GLI2: variants seen among roughly 807,000 people sequenced by gnomAD.
GLI2 encodes the protein GLI family zinc finger 2.
A neutral mutation model predicts 78.9 loss-of-function variants in GLI2; 22 were observed. The ratio of observed to expected loss-of-function variants is 0.28; its 90% confidence interval spans 0.20 to 0.40. The LOEUF (loss-of-function observed/expected upper bound fraction) is 0.40. Ranked by LOEUF, GLI2 falls within the 10% of genes least tolerant of loss-of-function variation. GLI2 has a pLI of 1.00. For missense variants in GLI2, 2,097 were observed against 2,213.2 expected (o/e 0.95, Z 1.05); for synonymous variants, 974 against 963.7 (o/e 1.01, Z -0.20).
chr2:120,743,740 T>C (rs545587546), intron 1 of GLI2, among the ~76,000 whole-genome samples: 53 of 152,354 alleles, frequency 3.5e-4, no homozygotes, highest in African/African-American at 1.3e-3. Context: ...TTGCTTCGCC[T>C]ATCTCTGGGA....
At chr2:120,813,468 G>A (rs1006310651) in intron 2 of GLI2, among the ~76,000 whole-genome samples, 12 of 152,314 alleles carry the variant, frequency 7.9e-5, no homozygotes, top group African/African-American at 2.6e-4. Flanking sequence ...CCTCAGCTGC[G>A]TTGAGTCTTG....
chr2:120,970,206 C>T (rs186845025), intron 6 of GLI2, among the ~76,000 whole-genome samples, 187 bp from the exon 7 acceptor site: 2 of 152,084 alleles, frequency 1.3e-5, no homozygotes, highest in East Asian at 1.9e-4. Context: ...GGGAGCTGAT[C>T]GCAGAAGGTG....
chr2:120,816,181 A>C (rs115369711), intron 2 of GLI2, among the ~76,000 whole-genome samples: 10,292 of 134,902 alleles, frequency 0.076, 454 homozygotes, highest in Middle Eastern at 0.16. Context: ...ATTACTGAGG[A>C]CCCCAAAGAG....
At chr2:120,780,654 A>G (rs1395496816) in intron 1 of GLI2, among the ~76,000 whole-genome samples, 1 of 152,168 alleles carries the variant, frequency 6.6e-6, no homozygotes, top group Non-Finnish European at 1.5e-5. Context: ...ACTGTCCACT[A>G]CACTACAGAC....
In GLI2 at chr2:120,900,060, G is replaced by T. The variant is rs1275942064; in HGVS notation, c.149-27301G>T. 3.3e-5 allele frequency among the ~76,000 whole-genome samples: 5 copies of T among 152,316 alleles called. No individual in the cohort carries two copies. The East Asian group carries it at 7.7e-4, about 24-fold the overall frequency. ...CCGGCCGGGGGCCACACTGGGAACT[G>T]CTGGGGAAAGTTTGCTTTACTTTGA... On this transcript the variant is annotated intron_variant, in intron 2 of 13. Transcript: ENST00000361492.
chr2:120,879,017 AG>A (rs1166314357), intron 2 of GLI2, among the ~76,000 whole-genome samples: 1 of 152,072 alleles, frequency 6.6e-6, no homozygotes, highest in Non-Finnish European at 1.5e-5. Flanking sequence ...TCAGAAGCTC[AG>A]TCTGCGAGCA....
intron 1 of GLI2, among the ~76,000 whole-genome samples, chr2:120,758,421 G>T (rs1683102130): frequency 6.6e-6 from 1 of 152,202 alleles, no homozygotes; most frequent in Non-Finnish European, 1.5e-5. Flanking sequence ...AATGGTGCTG[G>T]CTGGGAGGCC....
intron 1 of GLI2, among the ~76,000 whole-genome samples, chr2:120,770,904 G>A (rs772362496): frequency 5.3e-5 from 8 of 152,172 alleles, no homozygotes; most frequent in Non-Finnish European, 7.3e-5. Flanking sequence ...CACCGTCCAC[G>A]CCCTTAGACT....
rs974778127 is a variant in GLI2, at chr2:120,811,333, C to A, written c.148+13865C>A. ...GTCATTCTATCCCCCCAGCCTCATT[C>A]TTTGGGTTGTACCAGGGGTGCTGTC... On this transcript the variant is annotated intron_variant, in intron 2 of 13. Transcript: ENST00000361492. Among the ~76,000 whole-genome samples the A allele has an allele frequency of 2.6e-5, 4 of 152,294 alleles. No homozygotes were observed. The South Asian group carries it at 6.2e-4, about 24-fold the overall frequency.
At chr2:120,744,938 T>A (rs1369355415) in intron 1 of GLI2, among the ~76,000 whole-genome samples, 1 of 152,230 alleles carries the variant, frequency 6.6e-6, no homozygotes, top group African/African-American at 2.4e-5. Flanking sequence ...AATGTCTTTT[T>A]ACTATGATGT....
intron 1 of GLI2, among the ~76,000 whole-genome samples, chr2:120,768,565 C>A (rs1683435111): frequency 6.6e-6 from 1 of 152,228 alleles, no homozygotes; most frequent in South Asian, 2.1e-4. Context: ...ACGCCTTTGG[C>A]ATGACCTGGG....
chr2:120,754,418 C>A (rs1458112114), intron 1 of GLI2, among the ~76,000 whole-genome samples: 1 of 152,062 alleles, frequency 6.6e-6, no homozygotes, highest in African/African-American at 2.4e-5. Context: ...TTTCCTCATG[C>A]CCCTCTGTAA....
At chr2:120,806,910 C>T (rs549361710) in intron 2 of GLI2, among the ~76,000 whole-genome samples, 1 of 152,328 alleles carries the variant, frequency 6.6e-6, no homozygotes, top group Admixed American at 6.5e-5. Flanking sequence ...CTTGTGGTTC[C>T]CCCATGGAGA....
At chr2:120,898,738 C>T (rs1462233102) in intron 2 of GLI2, among the ~76,000 whole-genome samples, 2 of 152,046 alleles carry the variant, frequency 1.3e-5, no homozygotes, top group East Asian at 1.9e-4. Flanking sequence ...AACAAAGTGT[C>T]CTTTGTTATT....
chr2:120,924,207 C>T (rs1158312931), intron 2 of GLI2, among the ~76,000 whole-genome samples: 1 of 152,140 alleles, frequency 6.6e-6, no homozygotes, highest in East Asian at 1.9e-4. Flanking sequence ...TGGGAAGACC[C>T]AGGAGCTGGT....
chr2:120,867,900 A>T (rs1226590611), intron 2 of GLI2, among the ~76,000 whole-genome samples: 1 of 152,122 alleles, frequency 6.6e-6, no homozygotes, highest in Non-Finnish European at 1.5e-5. Flanking sequence ...GGAGGCATGG[A>T]GGCACTGCCG....
chr2:120,899,694 A>G (rs1163704415), intron 2 of GLI2, among the ~76,000 whole-genome samples: 2 of 152,240 alleles, frequency 1.3e-5, no homozygotes, highest in African/African-American at 4.8e-5. Context: ...TCACCTCTGC[A>G]GAATAGGAAT....
chr2:120,965,001 A>G (rs749522742), intron 5 of GLI2, among the ~76,000 whole-genome samples: 4 of 152,222 alleles, frequency 2.6e-5, no homozygotes, highest in Admixed American at 6.5e-5. Flanking sequence ...TGCTTGGAGG[A>G]TGGTGGTAGC....
chr2:120,796,405 T>C (rs889494137), intron 1 of GLI2, among the ~76,000 whole-genome samples: 3 of 152,166 alleles, frequency 2.0e-5, no homozygotes, highest in Non-Finnish European at 4.4e-5. Context: ...GAGTGACCCT[T>C]TTACACCCGG....
Sources: allele counts gnomAD v4.1 joint callset (sites outside exome capture counted in the v4.1 genomes callset), GRCh38; gene constraint gnomAD v4.1.1; transcripts MANE v1.5; gene names NCBI Gene and HGNC (gene_info 2026-07-23, HGNC 2026-07-21).